Variants in NAV2 observed in about 807,000 individuals in gnomAD.
NAV2 encodes the protein neuron navigator 2.
NAV2 carries 54 observed loss-of-function variants against 223.2 expected under a neutral mutation model. That is an observed-to-expected ratio of 0.24 (90% CI 0.19 to 0.30). The LOEUF (loss-of-function observed/expected upper bound fraction) is 0.30. NAV2 is among the 10% of genes least tolerant of loss of function. The probability of loss-of-function intolerance (pLI) is 1.00; values close to 1 mark genes in which losing one functional copy is unlikely to be tolerated. For synonymous variants in NAV2, 1,279 were observed against 1,239.3 expected (o/e 1.03, Z -0.67); for missense variants, 2,806 against 3,147.5 (o/e 0.89, Z 2.60).
chr11:20,054,658 C>T (rs1402106505), intron 18 of NAV2, among the ~76,000 whole-genome samples: 3 of 152,114 alleles, frequency 2.0e-5, no homozygotes, highest in Admixed American at 1.3e-4. Flanking sequence ...TAGATTTTAT[C>T]GCATATCCCA....
At chr11:19,446,525 T>G (rs953639427) in intron 1 of NAV2, among the ~76,000 whole-genome samples, 3 of 151,496 alleles carry the variant, frequency 2.0e-5, no homozygotes, top group South Asian at 2.1e-4. Flanking sequence ...GAGAATGGAG[T>G]TTTTGGACAT....
intron 10 of NAV2, among the ~76,000 whole-genome samples, chr11:19,955,474 A>G (rs1030188393): frequency 3.3e-5 from 5 of 152,176 alleles, no homozygotes; most frequent in Non-Finnish European, 7.3e-5. Flanking sequence ...ATTTGTGCCT[A>G]TGATTGTAGC....
intron 1 of NAV2, among the ~76,000 whole-genome samples, chr11:19,377,478 C>T (rs902171176): frequency 1.3e-5 from 2 of 152,162 alleles, no homozygotes; most frequent in African/African-American, 2.4e-5. Flanking sequence ...CATGTTTATC[C>T]CCCTCGCTGT....
At chr11:19,605,313 A>G (rs1177904016) in intron 1 of NAV2, among the ~76,000 whole-genome samples, 1 of 152,064 alleles carries the variant, frequency 6.6e-6, no homozygotes, top group African/African-American at 2.4e-5. Flanking sequence ...TTTGGGGGAG[A>G]AGCACTTAGT....
chr11:19,386,437 A>G (rs2729853), intron 1 of NAV2, among the ~76,000 whole-genome samples: 6,707 of 152,206 alleles, frequency 0.044, 492 homozygotes, highest in African/African-American at 0.15. Flanking sequence ...TAAATGGATC[A>G]GGTATAAACA....
chr11:19,569,838 TG>T (rs1419252258), intron 1 of NAV2, among the ~76,000 whole-genome samples: 1 of 152,162 alleles, frequency 6.6e-6, no homozygotes, highest in African/African-American at 2.4e-5. Flanking sequence ...AAATGGCTCA[TG>T]GAGGTTGTCC....
intron 1 of NAV2, among the ~76,000 whole-genome samples, chr11:19,629,467 T>G (rs530573636): frequency 6.6e-6 from 1 of 152,068 alleles, no homozygotes; most frequent in East Asian, 1.9e-4. Context: ...GACATTTTTC[T>G]TACGCACTTG....
intron 1 of NAV2, among the ~76,000 whole-genome samples, chr11:19,630,780 G>C (rs531650130): frequency 6.6e-6 from 1 of 152,116 alleles, no homozygotes; most frequent in South Asian, 2.1e-4. Context: ...GGAGGCTGAG[G>C]TGAGAGGATT....
intron 1 of NAV2, among the ~76,000 whole-genome samples, chr11:19,364,475 G>T (rs141764417): frequency 4.6e-4 from 70 of 152,256 alleles, no homozygotes; most frequent in Middle Eastern, 3.4e-3. Context: ...TCCTTGCTTG[G>T]TGTTCTGAAA....
chr11:19,635,153 A>G (rs2047456646), intron 1 of NAV2, among the ~76,000 whole-genome samples: 1 of 152,196 alleles, frequency 6.6e-6, no homozygotes. Context: ...GCTTTTGGTG[A>G]ATATATAGCA....
intron 1 of NAV2, among the ~76,000 whole-genome samples, chr11:19,625,598 T>C (rs967191245): frequency 3.9e-5 from 6 of 152,196 alleles, no homozygotes; most frequent in Non-Finnish European, 7.3e-5. Flanking sequence ...CATATGGTTG[T>C]TCTATTTGTA....
intron 5 of NAV2, chr11:19,884,328 A>G (rs2063401725): frequency 1.9e-6 from 3 of 1,613,922 alleles, no homozygotes; most frequent in Non-Finnish European, 2.5e-6. Context: ...AAGCAAAATC[A>G]TCCGCTTCAC....
intron 3 of NAV2, among the ~76,000 whole-genome samples, chr11:19,849,497 G>A (rs1033050591): frequency 2.6e-5 from 4 of 152,182 alleles, no homozygotes; most frequent in African/African-American, 7.2e-5. Flanking sequence ...GAGCCCTGGC[G>A]CCAGGTACCT....
At chr11:19,860,298 C>A in intron 3 of NAV2, among the ~76,000 whole-genome samples, 1 of 138,680 alleles carries the variant, frequency 7.2e-6, no homozygotes, top group East Asian at 2.2e-4. Flanking sequence ...GGCGGAGGGG[C>A]TCCTCACTTC....
At position 19,992,583 on chromosome 11, in the gene NAV2, C is replaced by CTTTTTTT. The variant is rs780559920; in HGVS notation, c.2768+8352_2768+8358dup. Among the ~76,000 whole-genome samples, 4 of 103,542 alleles carry CTTTTTTT rather than the reference C, an allele frequency of 3.9e-5. 1 individual carries two copies. The highest frequency in any genetic ancestry group is 5.5e-5 in the Non-Finnish European group (3 of 54,832). 67.9% of individuals were successfully genotyped at this position (103,542 alleles called of 152,430 possible). On this transcript the variant is annotated intron_variant, in intron 11 of 37. Coordinates refer to ENST00000349880, the MANE Select transcript of NAV2 (RefSeq NM_145117.5). ...AGAGTATAATCATGCTCCTGAAGTA[C>CTTTTTTT]TTTTTTTTTTTTTTTTTTTTTTGAG...
chr11:19,839,334 C>T (rs147143848), intron 2 of NAV2, among the ~76,000 whole-genome samples: 3 of 150,990 alleles, frequency 2.0e-5, no homozygotes, highest in Non-Finnish European at 4.4e-5. Flanking sequence ...AAGCAGGGAG[C>T]GAGAGAGAAG....
chr11:19,378,757 G>A (rs1253203502), intron 1 of NAV2, among the ~76,000 whole-genome samples: 1 of 152,154 alleles, frequency 6.6e-6, no homozygotes, highest in Non-Finnish European at 1.5e-5. Flanking sequence ...TAGCTGATCA[G>A]CACACACACC....
chr11:19,379,701 T>A (rs1214482064), intron 1 of NAV2, among the ~76,000 whole-genome samples: 3 of 152,192 alleles, frequency 2.0e-5, no homozygotes, highest in Admixed American at 6.5e-5. Flanking sequence ...CACATGGACT[T>A]CTTCCAGGTC....
At chr11:19,347,451 A>G (rs75086591), upstream of NAV2, among the ~76,000 whole-genome samples, 350 of 152,168 alleles carry the variant, frequency 2.3e-3, 1 homozygote, top group African/African-American at 8.1e-3. Context: ...TGCCCAGAGG[A>G]AGAAGGATTT....
Sources: gnomAD v4.1 joint callset for allele counts (sites outside exome capture counted in the v4.1 genomes callset) on GRCh38, gnomAD v4.1.1 for gene constraint, MANE v1.5 for transcripts, NCBI Gene and HGNC (gene_info 2026-07-23, HGNC 2026-07-21) for gene names.